Variants in RBFOX1 observed in about 807,000 individuals in gnomAD.
RBFOX1 encodes the protein RNA binding protein fox-1 homolog 1.
In RBFOX1, 8 loss-of-function variants were observed where a neutral mutation model predicts 57.7. The ratio of observed to expected loss-of-function variants is 0.14; its 90% CI spans 0.08 to 0.25. The LOEUF (loss-of-function observed/expected upper bound fraction) is 0.25. Among genes scored for constraint, RBFOX1 ranks in the 10% least tolerant of loss-of-function variants. The probability of loss-of-function intolerance (pLI) is 1.00; values close to 1 mark genes in which losing one functional copy is unlikely to be tolerated. For synonymous variants in RBFOX1, 326 were observed against 222.4 expected (o/e 1.47, Z -4.15); for missense variants, 611 against 548.5 (o/e 1.11, Z -1.14).
intron 4 of RBFOX1, among the ~76,000 whole-genome samples, chr16:6,006,699 G>C (rs552161695): frequency 1.6e-3 from 238 of 152,320 alleles, no homozygotes; most frequent in Non-Finnish European, 2.7e-3. Flanking sequence ...GACAAATGGA[G>C]TGTTTTAAAA....
At chr16:7,379,249 A>G (rs1596942371) in intron 4 of RBFOX1, among the ~76,000 whole-genome samples, 1 of 152,204 alleles carries the variant, frequency 6.6e-6, no homozygotes, top group East Asian at 1.9e-4. Context: ...TTTCACCATA[A>G]ACTAAAGAGT....
At chr16:7,176,149 A>C (rs1392734400) in intron 4 of RBFOX1, among the ~76,000 whole-genome samples, 2 of 150,852 alleles carry the variant, frequency 1.3e-5, no homozygotes, top group South Asian at 4.2e-4. Flanking sequence ...GCTACATGCT[A>C]GGTGTGTGAT....
At chr16:6,216,828 C>A (rs1386471950) in intron 1 of RBFOX1, among the ~76,000 whole-genome samples, 1 of 152,082 alleles carries the variant, frequency 6.6e-6, no homozygotes, top group African/African-American at 2.4e-5. Flanking sequence ...TAAAATGCAG[C>A]TTCACTTGAA....
intron 2 of RBFOX1, among the ~76,000 whole-genome samples, chr16:6,488,460 G>A (rs2095554647): frequency 6.6e-6 from 1 of 152,136 alleles, no homozygotes; most frequent in Admixed American, 6.5e-5. Flanking sequence ...ATCAGACATT[G>A]GACGAGGAGC....
chr16:5,697,286 C>G (rs2050874346), intron 3 of RBFOX1, among the ~76,000 whole-genome samples: 1 of 151,738 alleles, frequency 6.6e-6, no homozygotes, highest in African/African-American at 2.4e-5. Context: ...CTCTCTCTTT[C>G]CAACCTAAAT....
At chr16:6,158,333 G>A (rs2096853260) in intron 1 of RBFOX1, among the ~76,000 whole-genome samples, 1 of 152,212 alleles carries the variant, frequency 6.6e-6, no homozygotes, top group South Asian at 2.1e-4. Flanking sequence ...GAACAAGGCT[G>A]TTTTGTTCTG....
intron 4 of RBFOX1, among the ~76,000 whole-genome samples, chr16:5,930,000 G>T (rs1191711540): frequency 2.0e-5 from 3 of 151,942 alleles, no homozygotes; most frequent in Non-Finnish European, 4.4e-5. Context: ...TACGAAGCAG[G>T]TGTGAGTGAG....
chr16:5,921,838 G>C (rs866368405), intron 4 of RBFOX1, among the ~76,000 whole-genome samples: 10 of 151,946 alleles, frequency 6.6e-5, no homozygotes, highest in Non-Finnish European at 1.0e-4. Flanking sequence ...GAGCAAGAGG[G>C]GGAGGAGCCA....
chr16:6,141,241 C>G (rs1330433008), intron 1 of RBFOX1, among the ~76,000 whole-genome samples: 1 of 152,188 alleles, frequency 6.6e-6, no homozygotes, highest in Admixed American at 6.5e-5. Flanking sequence ...TCTCAGTGCC[C>G]TCCATATGTA....
rs188139228 is a variant in RBFOX1 at position 6,879,862 on chromosome 16, C to G, written c.-15-172195C>G. 7.7e-4 allele frequency among the ~76,000 whole-genome samples: 117 copies of G among 152,278 alleles called. 1 individual carries two copies. The highest frequency in any genetic ancestry group is 2.8e-3 in the African/African-American group (115 of 41,566). ...AGAGGTTTGAGACATTTTGAATTAT[C>G]TCATAAATGTGCAATCTTGCCTCAC... On this transcript the variant is annotated intron_variant, in intron 3 of 15. Transcript: ENST00000550418.
chr16:6,837,876 T>A (rs564162126), intron 3 of RBFOX1, among the ~76,000 whole-genome samples: 9 of 152,216 alleles, frequency 5.9e-5, no homozygotes, highest in South Asian at 4.2e-4. Flanking sequence ...GAAGAGGCAC[T>A]GAAAGCATGC....
intron 1 of RBFOX1, among the ~76,000 whole-genome samples, chr16:5,356,727 T>C (rs2065399392): frequency 6.6e-6 from 1 of 152,272 alleles, no homozygotes; most frequent in East Asian, 1.9e-4. Flanking sequence ...AATTCAAAGA[T>C]TGTGGCCTAG....
At chr16:7,635,361 T>TATGA (rs1318213760) in intron 11 of RBFOX1, among the ~76,000 whole-genome samples, 2 of 152,264 alleles carry the variant, frequency 1.3e-5, no homozygotes, top group African/African-American at 4.8e-5. Context: ...TTCAGGATTT[T>TATGA]ATGAATATGT....
chr16:6,796,870 C>T (rs888129647), intron 3 of RBFOX1, among the ~76,000 whole-genome samples: 1 of 152,104 alleles, frequency 6.6e-6, no homozygotes, highest in Admixed American at 6.5e-5. Context: ...ATGATGACTG[C>T]TTGTCTTGTT....
At chr16:6,322,972 AT>A (rs1567935538) in intron 2 of RBFOX1, among the ~76,000 whole-genome samples, 1 of 152,108 alleles carries the variant, frequency 6.6e-6, no homozygotes, top group Non-Finnish European at 1.5e-5. Flanking sequence ...TGTTGTTTAC[AT>A]TTCCCCTATG....
intron 3 of RBFOX1, among the ~76,000 whole-genome samples, chr16:6,671,652 A>G (rs1193152622): frequency 6.6e-6 from 1 of 152,128 alleles, no homozygotes; most frequent in Non-Finnish European, 1.5e-5. Flanking sequence ...AGTCCGTTCT[A>G]TCATTCTTAC....
intron 3 of RBFOX1, among the ~76,000 whole-genome samples, chr16:6,789,778 C>G (rs562222253): frequency 1.3e-5 from 2 of 151,790 alleles, no homozygotes; most frequent in African/African-American, 2.4e-5. Flanking sequence ...AAAAAATCTT[C>G]TGTTTGAATG....
At chr16:6,252,833 G>C (rs970150465) in intron 1 of RBFOX1, among the ~76,000 whole-genome samples, 1 of 152,306 alleles carries the variant, frequency 6.6e-6, no homozygotes, top group Admixed American at 6.5e-5. Flanking sequence ...TGAACATGTT[G>C]CTGTTCGATG....
At chr16:5,892,523 A>G (rs770897869) in intron 4 of RBFOX1, among the ~76,000 whole-genome samples, 8 of 152,174 alleles carry the variant, frequency 5.3e-5, no homozygotes, top group Admixed American at 3.3e-4. Context: ...GATGAAGATG[A>G]GGAAGAGAAG....
Sources: allele counts gnomAD v4.1 joint callset (sites outside exome capture counted in the v4.1 genomes callset), GRCh38; gene constraint gnomAD v4.1.1; transcripts MANE v1.5; gene names NCBI Gene and HGNC (gene_info 2026-07-23, HGNC 2026-07-21).